Variants in RYR1 observed in about 807,000 individuals in gnomAD.
RYR1 encodes the protein ryanodine receptor 1, also known as central core disease of muscle.
In RYR1, 342 loss-of-function variants were observed where a neutral mutation model predicts 583.5. The ratio of observed to expected loss-of-function variants is 0.59; its 90% confidence interval spans 0.54 to 0.64. The LOEUF (loss-of-function observed/expected upper bound fraction) is 0.64. RYR1 is among the 30% of genes least tolerant of loss of function. The probability of loss-of-function intolerance (pLI) is 0.00; values close to 1 mark genes in which losing one functional copy is unlikely to be tolerated. For missense variants in RYR1, 6,032 were observed against 6,917.2 expected, an observed-to-expected ratio of 0.87 and a Z score of 4.54; for synonymous variants, 2,791 against 2,822.5, an observed-to-expected ratio of 0.99 and a Z score of 0.35.
intron 53 of RYR1, 60 bp downstream of exon 53, chr19:38,505,458 T>G: frequency 8.0e-7 from 1 of 1,247,756 alleles, no homozygotes; most frequent in Non-Finnish European, 1.2e-6. Context: ...ATTTGAGGAT[T>G]CGGGGAGGAG....
At chr19:38,470,376 T>G (rs1968359167) in intron 27 of RYR1, among the ~76,000 whole-genome samples, 3 of 149,458 alleles carry the variant, frequency 2.0e-5, no homozygotes, top group Admixed American at 1.3e-4. Context: ...AGGTCGAGGC[T>G]GCAGTAAGCT....
intron 67 of RYR1, among the ~76,000 whole-genome samples, chr19:38,520,693 C>CAA (rs71165555): frequency 0.021 from 986 of 46,794 alleles, 47 homozygotes; most frequent in East Asian, 0.082. Flanking sequence ...GGCTCCACCT[C>CAA]AAAAAAAAAA....
chr19:38,485,878 C>A lies in RYR1; in HGVS notation c.5223C>A (p.Thr1741=), dbSNP rs1246392222. Residue 1741 remains threonine, a synonymous_variant, in exon 34 of 106, where the codon ACC becomes ACA. Transcript: ENST00000359596. The stretch of plus-strand genomic sequence containing the variant: ...ACATCGTGCCCCTCACGCCTGAGAC[C>A]CGCGCCATCACGCTCTTCCCTCCTG... ...SEYIVPLTPE[T]RAITLFPPGR... is the part of the protein sequence containing the mutation. 6.2e-7 allele frequency: 1 copy of A among 1,613,768 alleles called. No individual in the cohort carries two copies. The highest frequency in any genetic ancestry group is 8.5e-7 in the Non-Finnish European group (1 of 1,179,992).
intron 71 of RYR1, 125 bp from the exon 72 acceptor site, chr19:38,526,868 A>G (rs1483344674): frequency 1.0e-6 from 1 of 973,988 alleles, no homozygotes; most frequent in Non-Finnish European, 1.6e-6. Flanking sequence ...TTTCTCTCAG[A>G]CCCCCACCCC....
In RYR1 at chr19:38,519,281, C is replaced by T. The variant is rs193922835; in HGVS notation, c.10086C>T (p.Ile3362=). The change falls in exon 67 of 106, where the codon ATC becomes ATT. Residue 3362 remains isoleucine (I), a synonymous_variant. Coordinates refer to ENST00000359596, the MANE Select transcript of RYR1 (RefSeq NM_000540.3). ...ELLQSHFIPT[I]GRLRKRAGKV... ...TGCAGTCCCACTTCATCCCAACTAT[C>T]GGGCGGCTGCGCAAGAGGGCAGGGA... is the stretch of plus-strand genomic sequence containing the variant. The T allele has an allele frequency of 1.1e-5, 17 of 1,614,120 alleles. No individual in the cohort carries two copies. The highest frequency in any genetic ancestry group is 1.3e-5 in the African/African-American group (1 of 75,052).
chr19:38,527,669 G>A lies in RYR1; in HGVS notation c.10709G>A (p.Arg3570His), dbSNP rs760433572. The A allele has an allele frequency of 6.2e-6, 10 of 1,614,024 alleles. No homozygotes were observed. The highest frequency in any genetic ancestry group is 1.6e-4 in the Middle Eastern group (1 of 6,084). ...QGKVEGSPSL[R>H]WQMALYRGVP... ...CAGGTCGAAGGCTCCCCGTCTCTGC[G>A]CTGGCAGATGGCTCTGTACCGGGGC... Residue 3570 changes from arginine to histidine, a missense_variant, in exon 73 of 106, where the codon CGC (arginine) becomes CAC (histidine). Coordinates refer to ENST00000359596, the MANE Select transcript of RYR1 (RefSeq NM_000540.3).
chr19:38,458,179 G>A lies in RYR1; in HGVS notation c.2054G>A (p.Trp685Ter). The A allele has an allele frequency of 6.2e-7, 1 of 1,612,756 alleles. No homozygotes were observed. The highest frequency in any genetic ancestry group is 8.5e-7 in the Non-Finnish European group (1 of 1,179,564). ...TAQATHLRVGWALTEGYTPYP... is the reference protein window; with the variant it reads ...TAQATHLRVG ...CAGGCCACCCACTTGCGGGTGGGCTGGGCCCTCACCGAGGGCTACACCCCC... is the reference window on the plus strand; with the variant it reads ...CAGGCCACCCACTTGCGGGTGGGCTAGGCCCTCACCGAGGGCTACACCCCC... Residue 685 changes from tryptophan (W) to a stop codon, truncating the protein, a stop_gained, in exon 18 of 106, where the codon TGG becomes TAG. Transcript: ENST00000359596. LOFTEE classifies it high-confidence loss of function.
chr19:38,488,743 G>T (rs1012202564), intron 34 of RYR1, among the ~76,000 whole-genome samples: 2 of 152,134 alleles, frequency 1.3e-5, no homozygotes, highest in Non-Finnish European at 2.9e-5. Context: ...GGCCTCAAGT[G>T]ATCTGCCCGC....
At chr19:38,468,294 C>A (rs1288194339) in intron 25 of RYR1, among the ~76,000 whole-genome samples, 1 of 151,956 alleles carries the variant, frequency 6.6e-6, no homozygotes, top group Non-Finnish European at 1.5e-5. Context: ...AACCATCCAT[C>A]CATCATCCAT....
intron 3 of RYR1, 93 bp from the exon 4 acceptor site, chr19:38,443,465 G>C: frequency 9.1e-7 from 1 of 1,104,588 alleles, no homozygotes; most frequent in South Asian, 1.3e-5. Context: ...ATTTTACAGG[G>C]AGCATCTTGT....
rs73930579 is a variant in RYR1 at position 38,451,237 on chromosome 19, C to T, written c.1123-527C>T. Among the ~76,000 whole-genome samples the T allele has an allele frequency of 2.7e-3, 416 of 152,328 alleles. 3 individuals carry two copies. The highest frequency in any genetic ancestry group is 9.5e-3 in the African/African-American group (393 of 41,562). On this transcript the variant is annotated intron_variant, in intron 11 of 105. Transcript: ENST00000359596. Reference sequence around the variant, plus strand: ...CTGGGCCATGTCCAAAGTGGGGACACGTGAGCATCATCAGCAGGTGGATGG... The same window carrying T: ...CTGGGCCATGTCCAAAGTGGGGACATGTGAGCATCATCAGCAGGTGGATGG...
chr19:38,474,406 G>T (rs1212427737), intron 28 of RYR1, among the ~76,000 whole-genome samples: 1 of 151,708 alleles, frequency 6.6e-6, no homozygotes, highest in South Asian at 2.1e-4. Context: ...GGGATTACAG[G>T]CACGCGCCAC....
rs118192115 is a variant in RYR1 at position 38,446,484 on chromosome 19, G to A, written c.644G>A (p.Gly215Glu). Residue 215 changes from glycine to glutamate, a missense_variant, in exon 8 of 106, where the codon GGA becomes GAA. Around this residue, in one of 11 missense-constraint regions of RYR1, gnomAD observed 338 missense variants for 441.6 expected, o/e 0.77. Coordinates refer to ENST00000359596, the MANE Select transcript of RYR1 (RefSeq NM_000540.3). Reference protein sequence around the residue: ...CSRCEEGFVTGGHVLRLFHGH... With the variant: ...CSRCEEGFVTEGHVLRLFHGH... ...TGCTCCTCTCCAGGCTTCGTGACGG[G>A]AGGTCACGTCCTCCGCCTCTTTCAT... 2 of 1,613,956 alleles carry A rather than the reference G, an allele frequency of 1.2e-6. No individual in the cohort carries two copies. The highest frequency in any genetic ancestry group is 1.7e-6 in the Non-Finnish European group (2 of 1,179,826).
At position 38,483,078 on chromosome 19, in the gene RYR1, C is replaced by G; in HGVS notation, c.4672C>G (p.Gln1558Glu). Residue 1558 changes from glutamine to glutamate, a missense_variant, in exon 32 of 106, where the codon CAG (glutamine) becomes GAG (glutamate). Transcript: ENST00000359596. This position sits in a 1 kb window ranked among gnomAD's most constrained non-coding sequence, Gnocchi z 6.3. The part of the protein sequence containing the change: ...FPAVFVLPTH[Q>E]NVIQFELGKQ... ...TGCCGTCTTCGTCCTGCCCACCCACCAGAACGTCATCCAGTTTGAGCTGGG... is the reference window on the plus strand; with the variant it reads ...TGCCGTCTTCGTCCTGCCCACCCACGAGAACGTCATCCAGTTTGAGCTGGG... The G allele has an allele frequency of 6.2e-7, 1 of 1,614,152 alleles. No homozygotes were observed. Among genetic ancestry groups the G allele is most frequent in the Non-Finnish European group, 8.5e-7 (1 of 1,180,028 alleles).
chr19:38,535,807 A>T (rs1189735081), intron 81 of RYR1, 190 bp from the exon 82 acceptor site: 1 of 672,062 alleles, frequency 1.5e-6, no homozygotes, highest in South Asian at 1.6e-5. Context: ...CAGCTTGCGC[A>T]TGGTTCATCC....
chr19:38,510,496 A>C lies in RYR1; in HGVS notation c.8933-2A>C. ...TGTGAACCCTATTTGCCCTCCCTAC[A>C]GAGGCTGTGGTCAGCAGTGGGCGAG... On this transcript the variant is annotated splice_acceptor_variant, in intron 58 of 105. Transcript: ENST00000359596. LOFTEE classifies it high-confidence loss of function. 2 of 1,614,172 alleles carry C rather than the reference A, an allele frequency of 1.2e-6. No homozygotes were observed. The highest frequency in any genetic ancestry group is 1.7e-6 in the Non-Finnish European group (2 of 1,180,022).
intron 1 of RYR1, among the ~76,000 whole-genome samples, chr19:38,436,114 TG>T (rs199831053): frequency 0.013 from 1,915 of 152,158 alleles, 55 homozygotes; most frequent in African/African-American, 0.044. Flanking sequence ...TTCACCATGT[TG>T]GCCAGGCTGG....
Position 38,483,259 on chromosome 19 carries a change from TCTTGAC to T in RYR1, c.4708-29_4708-24del. On this transcript the variant is annotated intron_variant, in intron 32 of 105. Coordinates refer to ENST00000359596, the MANE Select transcript of RYR1 (RefSeq NM_000540.3). The surrounding 1 kb of genome is among the most constrained non-coding windows in gnomAD (Gnocchi z 6.3). ...GTGGTGGGACAGAGGGGGCTGGCCA[TCTTGAC>T]CCATGTGTGTCTCTCTGCCCTCAGA... is the stretch of plus-strand genomic sequence containing the variant. 1.9e-6 allele frequency: 3 copies of T among 1,566,450 alleles called. No individual in the cohort carries two copies. The highest frequency in any genetic ancestry group is 2.6e-6 in the Non-Finnish European group (3 of 1,155,454).
At chr19:38,446,601 G>T (rs202144860) in intron 8 of RYR1, 36 bp downstream of exon 8, 1 of 1,606,186 alleles carries the variant, frequency 6.2e-7, no homozygotes, top group East Asian at 2.2e-5. Context: ...GGGGTCTAGG[G>T]GTGGACGTGG....
Sources: allele counts gnomAD v4.1 joint callset (sites outside exome capture counted in the v4.1 genomes callset), GRCh38; gene constraint gnomAD v4.1.1; regional missense constraint gnomAD v4.1.1; non-coding constraint Gnocchi (gnomAD v3.1); transcripts MANE v1.5; gene names NCBI Gene and HGNC (gene_info 2026-07-23, HGNC 2026-07-21).